The following CEP112 variants were observed in gnomAD, a reference collection of about 807,000 sequenced individuals.
CEP112 encodes the protein centrosomal protein 112, also known as centrosomal protein of 112 kDa.
A neutral mutation model predicts 153.0 loss-of-function variants in CEP112; 127 were observed. The observed-to-expected ratio is 0.83, with a 90% CI of 0.72 to 0.96. CEP112 has a LOEUF of 0.96. Ranked by LOEUF, CEP112 falls within the 40% of genes least tolerant of loss-of-function variation. The pLI is 0.00. For synonymous variants in CEP112, 358 were observed against 374.4 expected, an observed-to-expected ratio of 0.96 and a Z score of 0.51; for missense variants, 1,089 against 1,101.2, an observed-to-expected ratio of 0.99 and a Z score of 0.16.
intron 12 of CEP112, among the ~76,000 whole-genome samples, chr17:66,030,370 C>G (rs1158415233): frequency 1.3e-5 from 2 of 152,098 alleles, no homozygotes; most frequent in Non-Finnish European, 2.9e-5. Flanking sequence ...TTTATACGTA[C>G]GGCCATTAGC....
chr17:65,819,666 G>A (rs1177525269), intron 21 of CEP112, among the ~76,000 whole-genome samples: 1 of 151,912 alleles, frequency 6.6e-6, no homozygotes, highest in African/African-American at 2.4e-5. Context: ...ATGCATCTGA[G>A]AAAGGCACAA....
At chr17:65,954,981 G>T (rs548370055) in intron 18 of CEP112, among the ~76,000 whole-genome samples, 1 of 152,246 alleles carries the variant, frequency 6.6e-6, no homozygotes, top group South Asian at 2.1e-4. Flanking sequence ...CTTGCTAAAG[G>T]CCTAGACATG....
At chr17:66,011,326 T>C (rs1218242519) in intron 16 of CEP112, among the ~76,000 whole-genome samples, 1 of 152,182 alleles carries the variant, frequency 6.6e-6, no homozygotes, top group Non-Finnish European at 1.5e-5. Flanking sequence ...GGTGGTTAAC[T>C]TGAGATCTTT....
At chr17:66,012,818 A>G (rs1031114921) in intron 16 of CEP112, among the ~76,000 whole-genome samples, 8 of 152,120 alleles carry the variant, frequency 5.3e-5, no homozygotes, top group Non-Finnish European at 1.2e-4. Context: ...CCCAAAGGAT[A>G]TTTTCCAAGC....
intron 18 of CEP112, among the ~76,000 whole-genome samples, chr17:65,935,672 C>CA (rs961751273): frequency 6.6e-5 from 10 of 150,968 alleles, no homozygotes; most frequent in South Asian, 2.1e-4. Context: ...ACCAGTAAGT[C>CA]AAAAAAATCA....
At chr17:65,645,029 C>T (rs980968162) in intron 24 of CEP112, among the ~76,000 whole-genome samples, 2 of 152,006 alleles carry the variant, frequency 1.3e-5, no homozygotes, top group African/African-American at 2.4e-5. Flanking sequence ...TTTCCTGAGA[C>T]ATTGTGTGCC....
chr17:66,144,648 G>A (rs776744542), intron 4 of CEP112, among the ~76,000 whole-genome samples: 7 of 152,064 alleles, frequency 4.6e-5, no homozygotes, highest in Non-Finnish European at 2.9e-5. Flanking sequence ...AGCTGAAATC[G>A]CACCACTGCA....
chr17:65,690,113 CAAAAA>C (rs67399289), intron 23 of CEP112, among the ~76,000 whole-genome samples: 2 of 62,578 alleles, frequency 3.2e-5, no homozygotes, highest in Admixed American at 2.1e-4. Context: ...GAAAACAGAC[CAAAAA>C]AAAAAAAAAA....
chr17:65,903,142 T>C (rs1048362498), intron 19 of CEP112: 3 of 152,248 alleles, frequency 2.0e-5, no homozygotes, highest in Non-Finnish European at 4.4e-5. Context: ...AGGTGATGAA[T>C]AGGGGACGGC....
intron 21 of CEP112, among the ~76,000 whole-genome samples, chr17:65,835,068 T>C (rs1031910767): frequency 2.6e-5 from 4 of 151,948 alleles, no homozygotes; most frequent in Non-Finnish European, 5.9e-5. Flanking sequence ...TGGAGGCTAT[T>C]ATCCTTAGAA....
chr17:65,969,607 A>G (rs1464915303), intron 17 of CEP112, among the ~76,000 whole-genome samples: 1 of 152,212 alleles, frequency 6.6e-6, no homozygotes, highest in African/African-American at 2.4e-5. Context: ...CACGAATATT[A>G]CATGTGTGCC....
intron 19 of CEP112, among the ~76,000 whole-genome samples, chr17:65,913,139 A>G (rs2060348307): frequency 6.6e-6 from 1 of 152,262 alleles, no homozygotes; most frequent in African/African-American, 2.4e-5. Context: ...AAAAATTTGC[A>G]TCTGCAAAAT....
chr17:65,837,137 T>C (rs2146183358), intron 21 of CEP112, among the ~76,000 whole-genome samples: 1 of 152,280 alleles, frequency 6.6e-6, no homozygotes, highest in South Asian at 2.1e-4. Flanking sequence ...TGCAGTGGCG[T>C]GATCTCGGCT....
chr17:65,913,859 G>A (rs2060375117), intron 19 of CEP112: 2 of 985,222 alleles, frequency 2.0e-6, no homozygotes, highest in African/African-American at 3.5e-5. Context: ...TATCTCCTGT[G>A]GTTATCTTCC....
chr17:65,956,121 T>C (rs2061993300), intron 18 of CEP112, among the ~76,000 whole-genome samples: 1 of 152,056 alleles, frequency 6.6e-6, no homozygotes, highest in Non-Finnish European at 1.5e-5. Flanking sequence ...TCAGTAAATT[T>C]AAGAAAATCG....
intron 12 of CEP112, among the ~76,000 whole-genome samples, chr17:66,042,486 CT>C (rs1429078085): frequency 2.0e-5 from 3 of 152,132 alleles, no homozygotes; most frequent in Non-Finnish European, 4.4e-5. Context: ...ACAGTTTCTA[CT>C]AGATGGGCAT....
chr17:65,782,773 A>G (rs2054070172), intron 21 of CEP112, among the ~76,000 whole-genome samples: 1 of 152,136 alleles, frequency 6.6e-6, no homozygotes, highest in Admixed American at 6.5e-5. Flanking sequence ...TTGGGTACTC[A>G]TGGACATAAA....
intron 12 of CEP112, among the ~76,000 whole-genome samples, chr17:66,051,547 C>G (rs2066441807): frequency 6.6e-6 from 1 of 151,978 alleles, no homozygotes; most frequent in Non-Finnish European, 1.5e-5. Flanking sequence ...GAATTTGAAC[C>G]CACAACTGTC....
At chr17:66,081,136 A>G (rs1397008780) in intron 8 of CEP112, among the ~76,000 whole-genome samples, 1 of 152,212 alleles carries the variant, frequency 6.6e-6, no homozygotes, top group African/African-American at 2.4e-5. Flanking sequence ...CGTTCTGCAC[A>G]TGTATCCCAG....
Sources: gnomAD v4.1 joint callset for allele counts (sites outside exome capture counted in the v4.1 genomes callset) on GRCh38, gnomAD v4.1.1 for gene constraint, MANE v1.5 for transcripts, NCBI Gene and HGNC (gene_info 2026-07-23, HGNC 2026-07-21) for gene names.